The following RNF123 variants were observed in gnomAD, a reference collection of about 807,000 sequenced individuals.
RNF123 encodes the protein ring finger protein 123, also known as E3 ubiquitin-protein ligase RNF123.
RNF123 carries 86 observed loss-of-function variants against 168.5 expected under a neutral mutation model. The observed-to-expected ratio is 0.51, with a 90% CI of 0.43 to 0.61. The LOEUF is 0.61. Among genes scored for constraint, RNF123 ranks in the 20% least tolerant of loss-of-function variants. RNF123 has a pLI of 0.00. For synonymous variants in RNF123, 666 were observed against 689.1 expected (o/e 0.97, Z 0.52); for missense variants, 1,419 against 1,729.7 (o/e 0.82, Z 3.19).
chr3:49,697,589 A>G, intron 5 of RNF123, 132 bp downstream of exon 5: 1 of 732,706 alleles, frequency 1.4e-6, no homozygotes. Flanking sequence ...ACGTGGCCCC[A>G]GACCATTGTG....
At chr3:49,719,169 C>T (rs1038130479) in intron 35 of RNF123, 8 of 1,613,520 alleles carry the variant, frequency 5.0e-6, no homozygotes, top group African/African-American at 1.3e-5. Context: ...CGCGACCCAG[C>T]GCATCTAGTT....
At chr3:49,711,164 C>A (rs1436315632) in intron 26 of RNF123, among the ~76,000 whole-genome samples, 1 of 152,172 alleles carries the variant, frequency 6.6e-6, no homozygotes, top group Non-Finnish European at 1.5e-5. Context: ...GGCGAAACCC[C>A]ATCTCTCCTA....
At chr3:49,701,645 G>C in intron 16 of RNF123, 37 bp downstream of exon 16, 1 of 1,570,228 alleles carries the variant, frequency 6.4e-7, no homozygotes, top group East Asian at 2.2e-5. Context: ...AGAGGTCATG[G>C]CAAGGCCCCT....
At chr3:49,701,131 G>A (rs1165763638) in intron 15 of RNF123, among the ~76,000 whole-genome samples, 2 of 152,230 alleles carry the variant, frequency 1.3e-5, no homozygotes, top group African/African-American at 4.8e-5. Context: ...GCTTGTAGCC[G>A]TTTTCTTGGT....
intron 35 of RNF123, chr3:49,717,634 G>A: frequency 2.2e-6 from 1 of 454,436 alleles, no homozygotes; most frequent in Non-Finnish European, 4.0e-6. Flanking sequence ...TGTGTTGAAA[G>A]CCACAGGGGC....
At chr3:49,692,946 A>G (rs1170905849) in intron 3 of RNF123, among the ~76,000 whole-genome samples, 2 of 152,098 alleles carry the variant, frequency 1.3e-5, no homozygotes, top group African/African-American at 4.8e-5. Context: ...GGGAATGCAG[A>G]TATCTCTTTG....
At position 49,715,851 on chromosome 3, in the gene RNF123, G is replaced by A; in HGVS notation, c.3180G>A (p.Arg1060=). The A allele has an allele frequency of 6.2e-7, 1 of 1,614,090 alleles. No homozygotes were observed. Among genetic ancestry groups the A allele is most frequent in the African/African-American group, 1.3e-5 (1 of 75,060 alleles). ...EIQQAAERLE[R]NFVDSRQLKV... ...AGCAGGCTGCTGAGCGCCTGGAGCG[G>A]AACTTTGTGGACAGCCGGCAGCTCA... is the stretch of plus-strand genomic sequence containing the variant. The change falls in exon 33 of 39, where the codon CGG becomes CGA. Residue 1060 remains arginine (R), a synonymous_variant. Coordinates refer to ENST00000327697, the MANE Select transcript of RNF123 (RefSeq NM_022064.5).
intron 36 of RNF123, 28 bp from the exon 37 acceptor site, chr3:49,720,772 T>C (rs2080387148): frequency 6.2e-7 from 1 of 1,613,802 alleles, no homozygotes; most frequent in Non-Finnish European, 8.5e-7. Context: ...CAGCTACCTC[T>C]GACTTGACAC....
Position 49,720,874 on chromosome 3 carries a change from C to G in RNF123, c.3718C>G (p.Gln1240Glu). Residue 1240 changes from glutamine to glutamate, a missense_variant, in exon 37 of 39, where the codon CAG (glutamine) becomes GAG (glutamate). By Grantham distance (29) the Gln-to-Glu change is conservative. Transcript: ENST00000327697. The part of the protein sequence containing the change: ...MLAHLTSASA[Q>E]AAAASLPTSE... ...GGCGCACCTGACCTCTGCATCTGCCCAGGCAGCAGCTGCCTCCCTGGTGAG... is the reference window on the plus strand; with the variant it reads ...GGCGCACCTGACCTCTGCATCTGCCGAGGCAGCAGCTGCCTCCCTGGTGAG... 1 of 1,614,172 alleles carries G rather than the reference C, an allele frequency of 6.2e-7. No homozygotes were observed. Among genetic ancestry groups the G allele is most frequent in the Non-Finnish European group, 8.5e-7 (1 of 1,180,026 alleles).
chr3:49,716,496 G>A lies in RNF123; in HGVS notation c.3500+19G>A. 6.2e-7 allele frequency: 1 copy of A among 1,608,026 alleles called. No individual in the cohort carries two copies. Among genetic ancestry groups the A allele is most frequent in the Non-Finnish European group, 8.5e-7 (1 of 1,175,556 alleles). On this transcript the variant is annotated intron_variant, in intron 35 of 38. Transcript: ENST00000327697. ...CCTCAGAGTGAGTGTTGGGGACCGT[G>A]GGCCCCTGTGGGAGTTGGGTGTGTC...
intron 3 of RNF123, among the ~76,000 whole-genome samples, chr3:49,695,166 A>C (rs1338132616): frequency 3.3e-5 from 5 of 152,202 alleles, no homozygotes; most frequent in Non-Finnish European, 7.3e-5. Context: ...GCTATGTCAC[A>C]GTCATAGCTC....
chr3:49,707,494 T>C (rs1298414633), intron 26 of RNF123, among the ~76,000 whole-genome samples: 1 of 152,172 alleles, frequency 6.6e-6, no homozygotes, highest in Non-Finnish European at 1.5e-5. Context: ...ACTCCTGCTG[T>C]GACTGAAGTT....
In RNF123 at chr3:49,691,215, T is replaced by A. The variant is rs763531820; in HGVS notation, c.50T>A (p.Leu17Gln). The change falls in exon 2 of 39, where the codon CTG becomes CAG. Residue 17 changes from leucine to glutamine, a missense_variant. Physicochemically the swap from Leu to Gln is moderately radical, Grantham distance 113. Transcript: ENST00000327697. Reference sequence around the variant, plus strand: ...TCTTTCTCCCGCAAGAGCTATAGGCTGACCTCAGATGCTGAGAAATCCAGG... The same window carrying A: ...TCTTTCTCCCGCAAGAGCTATAGGCAGACCTCAGATGCTGAGAAATCCAGG... Reference protein sequence around the residue: ...GMSFSRKSYRLTSDAEKSRVT... With the variant: ...GMSFSRKSYRQTSDAEKSRVT... 4.3e-6 allele frequency: 7 copies of A among 1,613,962 alleles called. No individual in the cohort carries two copies. The highest frequency in any genetic ancestry group is 3.3e-4 in the Middle Eastern group (2 of 6,054).
chr3:49,720,941 G>C, intron 37 of RNF123, 47 bp downstream of exon 37: 1 of 1,610,228 alleles, frequency 6.2e-7, no homozygotes, highest in Non-Finnish European at 8.5e-7. Flanking sequence ...GAATATGTGT[G>C]CACTCCTACA....
At chr3:49,697,962 C>T in intron 6 of RNF123, 23 bp downstream of exon 6, 4 of 1,614,106 alleles carry the variant, frequency 2.5e-6, no homozygotes, top group Non-Finnish European at 3.4e-6. Context: ...CCTGCTGTGG[C>T]CTAGGTAGTG....
At chr3:49,706,481 A>C (rs1303641634) in intron 25 of RNF123, among the ~76,000 whole-genome samples, 2 of 152,092 alleles carry the variant, frequency 1.3e-5, no homozygotes, top group Non-Finnish European at 2.9e-5. Context: ...CCGACCTGTC[A>C]GCAGATCCCT....
At chr3:49,711,463 A>C (rs1196916384) in intron 26 of RNF123, among the ~76,000 whole-genome samples, 1 of 152,000 alleles carries the variant, frequency 6.6e-6, no homozygotes, top group Non-Finnish European at 1.5e-5. Context: ...TTGCATTGAT[A>C]CCTTAGCTCT....
At chr3:49,696,940 C>T (rs112479874) in intron 3 of RNF123, 44 of 562,012 alleles carry the variant, frequency 7.8e-5, no homozygotes, top group Non-Finnish European at 1.3e-4. Flanking sequence ...GCCACCACAC[C>T]CGGCCTGGAC....
chr3:49,703,211 G>A (rs2054443511), intron 20 of RNF123, among the ~76,000 whole-genome samples: 1 of 152,168 alleles, frequency 6.6e-6, no homozygotes, highest in South Asian at 2.1e-4. Flanking sequence ...CCCAAGTTAT[G>A]CAGCTGCTGG....
Sources: gnomAD v4.1 joint callset for allele counts (sites outside exome capture counted in the v4.1 genomes callset) on GRCh38, gnomAD v4.1.1 for gene constraint, MANE v1.5 for transcripts, NCBI Gene and HGNC (gene_info 2026-07-23, HGNC 2026-07-21) for gene names.